The following SEPTIN7 variants were observed in gnomAD, a reference collection of about 807,000 sequenced individuals.
The protein encoded by SEPTIN7 is septin-7.
SEPTIN7 carries 10 observed loss-of-function variants against 63.3 expected under a neutral mutation model. The observed-to-expected ratio is 0.16, with a 90% CI of 0.10 to 0.27. SEPTIN7 has a LOEUF of 0.27. SEPTIN7 is among the 10% of genes least tolerant of loss of function. The pLI is 1.00. For missense variants in SEPTIN7, 310 were observed against 521.0 expected (o/e 0.59, Z 3.94); for synonymous variants, 131 against 165.3 (o/e 0.79, Z 1.59).
intron 4 of SEPTIN7, 37 bp from the exon 5 acceptor site, chr7:35,872,629 T>A (rs1325322709): frequency 1.4e-6 from 2 of 1,443,450 alleles, no homozygotes. Flanking sequence ...ACTGATGTAA[T>A]GTATGATATT....
Position 35,832,897 on chromosome 7 carries a change from G to T in SEPTIN7, c.166G>T (p.Val56Leu). ...AGGTTTTGAATTCACGCTTATGGTA[G>T]TGGGTAAGATATGATTTCTTACTAA... The part of the protein sequence containing the change: ...KRGFEFTLMV[V>L]GESGLGKSTL... The change falls in exon 3 of 14, where the codon GTG becomes TTG. Residue 56 changes from valine to leucine, a missense_variant. This residue lies in a region of SEPTIN7 where 255 missense variants were observed against 490.5 expected (regional missense o/e 0.52). Coordinates refer to ENST00000350320, the MANE Select transcript of SEPTIN7 (RefSeq NM_001788.6). The T allele has an allele frequency of 6.4e-7, 1 of 1,554,816 alleles. No homozygotes were observed. Among genetic ancestry groups the T allele is most frequent in the Non-Finnish European group, 8.9e-7 (1 of 1,126,312 alleles).
At position 35,883,979 on chromosome 7, in the gene SEPTIN7, T is replaced by C. The variant is rs1388020783; in HGVS notation, c.812T>C (p.Val271Ala). The C allele has an allele frequency of 3.1e-6, 5 of 1,601,320 alleles. No homozygotes were observed. In the African/African-American group the frequency reaches 4.0e-5, roughly 13 times the overall value. The change falls in exon 9 of 14, where the codon GTT becomes GCT. Residue 271 changes from valine to alanine, a missense_variant. Around this residue, in one of 2 missense-constraint regions of SEPTIN7, gnomAD observed 255 missense variants for 490.5 expected, o/e 0.52. Coordinates refer to ENST00000350320, the MANE Select transcript of SEPTIN7 (RefSeq NM_001788.6). ...RVRGRQYPWG[V>A]AEVENGEHCD... ...AGAGGAAGGCAGTATCCTTGGGGTG[T>C]TGCTGAAGGTAAGATTTTCTTCAGT...
At position 35,903,085 on chromosome 7, in the gene SEPTIN7, C is replaced by T. The variant is rs761757988; in HGVS notation, c.1144C>T (p.Arg382Cys). The change falls in exon 13 of 14, where the codon CGC (arginine) becomes TGC (cysteine). Residue 382 changes from arginine (R) to cysteine (C), a missense_variant. Transcript: ENST00000350320. ...LKDSEAELQR[R>C]HEQMKKNLEA... ...TTGTGCTATGATTTAGCTCCAGCGG[C>T]GCCATGAGCAAATGAAAAAGAATTT... The T allele has an allele frequency of 1.9e-6, 3 of 1,545,328 alleles. No homozygotes were observed. Among genetic ancestry groups the T allele is most frequent in the South Asian group, 1.2e-5 (1 of 82,762 alleles).
chr7:35,910,022 G>A (rs1788712631), downstream of SEPTIN7, among the ~76,000 whole-genome samples: 1 of 152,166 alleles, frequency 6.6e-6, no homozygotes, highest in African/African-American at 2.4e-5. Flanking sequence ...GACATCACTG[G>A]CAAGTTGACG....
intron 3 of SEPTIN7, among the ~76,000 whole-genome samples, chr7:35,835,679 A>G (rs1468689192): frequency 1.3e-5 from 2 of 152,310 alleles, no homozygotes; most frequent in East Asian, 3.9e-4. Flanking sequence ...GAGAATGAGA[A>G]CTAGAGAACT....
Position 35,884,132 on chromosome 7 carries a change from T to C in SEPTIN7, c.820+145T>C, listed in dbSNP as rs73324354. The C allele has an allele frequency of 7.5e-3, 3,713 of 497,766 alleles. 127 individuals are homozygous for C. The highest frequency in any genetic ancestry group is 0.065 in the African/African-American group (3,334 of 50,984). The allele number at this position is 497,766 out of a possible 1,614,324, so 30.8% of individuals were successfully genotyped here. A position where few individuals can be genotyped will look rare whatever the true frequency, so the allele number is the denominator to read the frequency against. ...ATACTGATTTCAGGTTCTTGTAGTC[T>C]CAATTTTCTCTTTAAGTACATTGGT... is the stretch of plus-strand genomic sequence containing the variant. On this transcript the variant is annotated intron_variant, in intron 9 of 13. Transcript: ENST00000350320.
chr7:35,871,760 T>G (rs930565662), intron 4 of SEPTIN7, among the ~76,000 whole-genome samples: 1 of 152,228 alleles, frequency 6.6e-6, no homozygotes, highest in African/African-American at 2.4e-5. Flanking sequence ...TAAGGACTTG[T>G]TATCCTTATT....
At chr7:35,888,334 T>C (rs1787400909) in intron 10 of SEPTIN7, among the ~76,000 whole-genome samples, 1 of 152,210 alleles carries the variant, frequency 6.6e-6, no homozygotes, top group South Asian at 2.1e-4. Flanking sequence ...TATAGAAGAC[T>C]TTAGTGATTT....
intron 3 of SEPTIN7, among the ~76,000 whole-genome samples, chr7:35,856,577 T>C (rs1785218911): frequency 6.6e-6 from 1 of 152,198 alleles, no homozygotes; most frequent in African/African-American, 2.4e-5. Context: ...GAGTGGCGAC[T>C]TCCAAGCTCC....
In SEPTIN7 at chr7:35,905,898, GAAATT is replaced by G. The variant is rs1472798471; in HGVS notation, c.*1608_*1612del. The G allele has an allele frequency of 6.6e-6, 1 of 152,144 alleles. No individual in the cohort carries two copies. The highest frequency in any genetic ancestry group is 1.5e-5 in the Non-Finnish European group (1 of 68,018). The allele number at this position is 152,144 out of a possible 1,614,324, so 9.4% of individuals were successfully genotyped here. ...TTAATGTAATGCATAATTTAGGTAA[GAAATT>G]AATTAATGTAGCCTAGTTTATTATC... On this transcript the variant is annotated 3_prime_UTR_variant, in exon 14 of 14. Coordinates refer to ENST00000350320, the MANE Select transcript of SEPTIN7 (RefSeq NM_001788.6).
intron 4 of SEPTIN7, among the ~76,000 whole-genome samples, chr7:35,867,314 G>A (rs777097675): frequency 3.9e-5 from 6 of 152,052 alleles, no homozygotes; most frequent in African/African-American, 1.4e-4. Flanking sequence ...ACAGTTAACC[G>A]TTATTTTATA....
At chr7:35,801,550 T>C (rs1787974089) in intron 1 of SEPTIN7, among the ~76,000 whole-genome samples, 1 of 151,330 alleles carries the variant, frequency 6.6e-6, no homozygotes, top group East Asian at 1.9e-4. Flanking sequence ...AGCCGCGGCC[T>C]CCGCGGCCGG....
chr7:35,819,053 T>C (rs1448970656), intron 1 of SEPTIN7, among the ~76,000 whole-genome samples: 2 of 152,106 alleles, frequency 1.3e-5, no homozygotes, highest in African/African-American at 4.8e-5. Flanking sequence ...AAGGTTATGA[T>C]GTGAGATCTT....
At chr7:35,868,028 C>T (rs1390282850) in intron 4 of SEPTIN7, among the ~76,000 whole-genome samples, 1 of 151,730 alleles carries the variant, frequency 6.6e-6, no homozygotes, top group African/African-American at 2.4e-5. Flanking sequence ...GCGTACTACA[C>T]CTGGCTAATT....
chr7:35,812,145 A>C (rs1788766421), intron 1 of SEPTIN7: 4 of 189,808 alleles, frequency 2.1e-5, no homozygotes, highest in African/African-American at 7.3e-5. Flanking sequence ...AAAAAAAACA[A>C]AAAAAAAACA....
At chr7:35,882,282 T>G (rs371777769) in intron 7 of SEPTIN7, among the ~76,000 whole-genome samples, 28 of 151,152 alleles carry the variant, frequency 1.9e-4, no homozygotes, top group African/African-American at 6.3e-4. Context: ...GATTTGGTGT[T>G]TATATATCAA....
chr7:35,883,544 C>G (rs950806937), intron 8 of SEPTIN7, among the ~76,000 whole-genome samples: 2 of 149,032 alleles, frequency 1.3e-5, no homozygotes, highest in Admixed American at 1.3e-4. Flanking sequence ...ATTAGCCCCC[C>G]GCTTTTTTTC....
At chr7:35,858,253 T>A (rs2116109994) in intron 3 of SEPTIN7, among the ~76,000 whole-genome samples, 1 of 152,228 alleles carries the variant, frequency 6.6e-6, no homozygotes, top group Admixed American at 6.5e-5. Context: ...CCCCCACTTT[T>A]ATTTCTGATT....
intron 1 of SEPTIN7, among the ~76,000 whole-genome samples, chr7:35,815,992 C>T (rs1276392236): frequency 6.6e-5 from 10 of 151,800 alleles, no homozygotes; most frequent in African/African-American, 7.3e-5. Context: ...TATTTTTTTG[C>T]GCATATGAGA....
Sources: gnomAD v4.1 joint callset for allele counts (sites outside exome capture counted in the v4.1 genomes callset) on GRCh38, gnomAD v4.1.1 for gene constraint, gnomAD v4.1.1 regional missense constraint, MANE v1.5 for transcripts, NCBI Gene and HGNC (gene_info 2026-07-23, HGNC 2026-07-21) for gene names.